Variants in CDIN1 observed in about 807,000 individuals in gnomAD.
The protein encoded by CDIN1 is CDAN1 interacting nuclease 1.
Under a neutral mutation model 45.3 loss-of-function variants are expected in CDIN1, and 33 were observed. That is an observed-to-expected ratio of 0.73 (90% CI 0.55 to 0.97). The LOEUF (loss-of-function observed/expected upper bound fraction) is 0.97, where lower values mean the gene tolerates loss of function less well. CDIN1 is among the 50% of genes least tolerant of loss of function. The pLI is 0.00. For missense variants in CDIN1, 303 were observed against 339.4 expected (o/e 0.89, Z 0.84); for synonymous variants, 118 against 124.4 (o/e 0.95, Z 0.34).
At position 36,617,347 on chromosome 15, in the gene CDIN1, G is replaced by GA. The variant is rs2038943658; in HGVS notation, c.102-26929dup. 3.2e-6 allele frequency: 5 copies of GA among 1,543,980 alleles called. No homozygotes were observed. In the Admixed American group the frequency reaches 8.3e-5, roughly 26 times the overall value. ...CACAAGAAATACTACAGGCATTGAA[G>GA]AATCAACTGATGGGATGATTTTAGG... On this transcript the variant is annotated intron_variant, in intron 1 of 10. Coordinates refer to ENST00000566621, the MANE Select transcript of CDIN1 (RefSeq NM_001321759.2).
chr15:36,727,879 A>G (rs564697563), intron 10 of CDIN1, among the ~76,000 whole-genome samples: 1 of 152,350 alleles, frequency 6.6e-6, no homozygotes, highest in African/African-American at 2.4e-5. Flanking sequence ...GGTAAAAAGT[A>G]GACCCTGGTA....
intron 1 of CDIN1, among the ~76,000 whole-genome samples, chr15:36,631,490 T>A (rs374109502): frequency 2.0e-5 from 3 of 152,262 alleles, no homozygotes; most frequent in African/African-American, 7.2e-5. Flanking sequence ...AGACATTTCA[T>A]ACAAATAGAA....
At chr15:36,728,104 G>A (rs1437787061) in intron 10 of CDIN1, among the ~76,000 whole-genome samples, 1 of 152,170 alleles carries the variant, frequency 6.6e-6, no homozygotes, top group East Asian at 1.9e-4. Flanking sequence ...ATGATACACA[G>A]GTAGTTCTTT....
intron 1 of CDIN1, among the ~76,000 whole-genome samples, chr15:36,626,194 A>G (rs1566844463): frequency 6.7e-6 from 1 of 148,714 alleles, no homozygotes; most frequent in Admixed American, 6.7e-5. Flanking sequence ...TATTCAAATC[A>G]TTTTTTTTTT....
chr15:36,766,876 T>A (rs2053938219), intron 10 of CDIN1, among the ~76,000 whole-genome samples: 1 of 152,226 alleles, frequency 6.6e-6, no homozygotes, highest in Non-Finnish European at 1.5e-5. Flanking sequence ...GAAGGTTGCC[T>A]TTTCATTCTG....
chr15:36,643,768 G>A (rs1261116559), intron 1 of CDIN1, among the ~76,000 whole-genome samples: 1 of 152,128 alleles, frequency 6.6e-6, no homozygotes, highest in Admixed American at 6.5e-5. Flanking sequence ...CGCCAGTATC[G>A]GTGGGAATGT....
intron 10 of CDIN1, among the ~76,000 whole-genome samples, chr15:36,778,666 G>A (rs2054278163): frequency 6.6e-6 from 1 of 152,168 alleles, no homozygotes; most frequent in Non-Finnish European, 1.5e-5. Context: ...GATGTTGGCA[G>A]GTTTTAGGGG....
intron 1 of CDIN1, among the ~76,000 whole-genome samples, chr15:36,601,859 G>A (rs954014431): frequency 6.6e-6 from 1 of 152,130 alleles, no homozygotes; most frequent in Non-Finnish European, 1.5e-5. Context: ...ACTTTTCTGG[G>A]CTGCTCTCTG....
intron 1 of CDIN1, among the ~76,000 whole-genome samples, chr15:36,593,337 G>A (rs2037671316): frequency 1.3e-5 from 2 of 152,100 alleles, no homozygotes; most frequent in Non-Finnish European, 2.9e-5. Flanking sequence ...AGTAAGAAGG[G>A]GGTTATGCAT....
intron 3 of CDIN1, among the ~76,000 whole-genome samples, chr15:36,652,786 C>T (rs1195922096): frequency 6.6e-6 from 1 of 152,126 alleles, no homozygotes; most frequent in Non-Finnish European, 1.5e-5. Flanking sequence ...GAAAATTATA[C>T]AACTTTATAA....
intron 1 of CDIN1, among the ~76,000 whole-genome samples, chr15:36,586,979 G>C (rs913434979): frequency 6.6e-6 from 1 of 152,110 alleles, no homozygotes; most frequent in Non-Finnish European, 1.5e-5. Context: ...ACCTTGTTGG[G>C]AATTATTTTG....
chr15:36,627,636 T>C (rs2039494679), intron 1 of CDIN1: 1 of 152,352 alleles, frequency 6.6e-6, no homozygotes, highest in Non-Finnish European at 1.5e-5. Flanking sequence ...ATGAGTGGCA[T>C]GGCCTTGCTG....
intron 10 of CDIN1, among the ~76,000 whole-genome samples, chr15:36,802,766 C>T (rs1229949075): frequency 6.6e-6 from 1 of 152,076 alleles, no homozygotes; most frequent in Admixed American, 6.6e-5. Flanking sequence ...TTACAGGAAA[C>T]CTTGAACAGA....
intron 1 of CDIN1, among the ~76,000 whole-genome samples, chr15:36,603,053 A>G (rs1225248961): frequency 1.3e-5 from 2 of 151,932 alleles, no homozygotes; most frequent in African/African-American, 4.8e-5. Context: ...TACAAATCAC[A>G]CTCCTCTGGG....
intron 10 of CDIN1, among the ~76,000 whole-genome samples, chr15:36,748,132 C>T (rs376644167): frequency 2.0e-5 from 3 of 152,166 alleles, no homozygotes; most frequent in African/African-American, 7.2e-5. Flanking sequence ...TCTCTCTTTT[C>T]TTACTCATCT....
chr15:36,716,439 C>CA (rs2043217920), intron 10 of CDIN1, among the ~76,000 whole-genome samples: 1 of 152,074 alleles, frequency 6.6e-6, no homozygotes, highest in African/African-American at 2.4e-5. Flanking sequence ...TAGTTATTGT[C>CA]AAGAACCCAA....
chr15:36,763,352 T>A (rs8031848), intron 10 of CDIN1, among the ~76,000 whole-genome samples: 1 of 151,868 alleles, frequency 6.6e-6, no homozygotes, highest in Non-Finnish European at 1.5e-5. Flanking sequence ...TTTTTTCTTG[T>A]AAATTTGTTT....
chr15:36,779,623 T>C (rs2054301135), intron 10 of CDIN1, among the ~76,000 whole-genome samples: 1 of 152,192 alleles, frequency 6.6e-6, no homozygotes, highest in African/African-American at 2.4e-5. Context: ...GCATTCTCCA[T>C]TCGTGTTTTG....
chr15:36,710,738 C>T (rs2043028137), intron 10 of CDIN1, among the ~76,000 whole-genome samples: 1 of 152,042 alleles, frequency 6.6e-6, no homozygotes, highest in South Asian at 2.1e-4. Flanking sequence ...GAATGCCAGC[C>T]AACAGTAAGA....
Sources: allele counts gnomAD v4.1 joint callset (sites outside exome capture counted in the v4.1 genomes callset), GRCh38; gene constraint gnomAD v4.1.1; transcripts MANE v1.5; gene names NCBI Gene and HGNC (gene_info 2026-07-23, HGNC 2026-07-21).